PPFIBP1: variants seen among roughly 807,000 people sequenced by gnomAD.
The protein encoded by PPFIBP1 is PPFIB scaffold protein 1, also known as liprin-beta-1.
A neutral mutation model predicts 137.8 loss-of-function variants in PPFIBP1; 112 were observed. The ratio of observed to expected loss-of-function variants is 0.81; its 90% CI spans 0.70 to 0.95. The LOEUF (loss-of-function observed/expected upper bound fraction) is 0.95. Ranked by LOEUF, PPFIBP1 falls within the 40% of genes least tolerant of loss-of-function variation. The probability of loss-of-function intolerance (pLI) is 0.00; values close to 1 mark genes in which losing one functional copy is unlikely to be tolerated. For missense variants in PPFIBP1, 1,083 were observed against 1,196.6 expected, an observed-to-expected ratio of 0.91 and a Z score of 1.40; for synonymous variants, 378 against 417.3, an observed-to-expected ratio of 0.91 and a Z score of 1.15.
chr12:27,525,359 T>C (rs1217207771), intron 1 of PPFIBP1, among the ~76,000 whole-genome samples: 1 of 151,976 alleles, frequency 6.6e-6, no homozygotes, highest in Non-Finnish European at 1.5e-5. Flanking sequence ...TATTTCCTAT[T>C]TCAAACCCTG....
At chr12:27,600,679 T>A (rs968940542) in intron 2 of PPFIBP1, among the ~76,000 whole-genome samples, 2 of 152,194 alleles carry the variant, frequency 1.3e-5, no homozygotes, top group African/African-American at 4.8e-5. Flanking sequence ...CATGTTTAAA[T>A]GCTCTTTTAC....
intron 2 of PPFIBP1, among the ~76,000 whole-genome samples, chr12:27,598,701 G>A (rs753596235): frequency 9.2e-5 from 14 of 152,042 alleles, no homozygotes; most frequent in African/African-American, 2.4e-4. Context: ...GCAATGACAC[G>A]CATCATCCTT....
At chr12:27,676,924 C>T (rs932192207) in intron 18 of PPFIBP1, 140 bp from the exon 19 acceptor site, 9 of 1,050,504 alleles carry the variant, frequency 8.6e-6, no homozygotes, top group Non-Finnish European at 1.3e-5. Context: ...TGTGTAACAT[C>T]AGAAGCACTG....
At position 27,671,296 on chromosome 12, in the gene PPFIBP1, C is replaced by T. The variant is rs1329629144; in HGVS notation, c.1147-135C>T. On this transcript the variant is annotated intron_variant, in intron 13 of 29. Transcript: ENST00000228425. ...TATATAGATGTTTATATTCTGAAAT[C>T]ATTTTATACAGTTCTGAACACTGAT... is the stretch of plus-strand genomic sequence containing the variant. The T allele has an allele frequency of 3.9e-5, 20 of 507,510 alleles. No homozygotes were observed. In the South Asian group the frequency reaches 5.5e-4, roughly 14 times the overall value. 31.4% of individuals were successfully genotyped at this position (507,510 alleles called of 1,614,324 possible).
intron 2 of PPFIBP1, among the ~76,000 whole-genome samples, chr12:27,601,249 C>T (rs565160103): frequency 5.9e-5 from 9 of 152,328 alleles, no homozygotes; most frequent in African/African-American, 1.9e-4. Flanking sequence ...CTTATTTCAA[C>T]TGCTTTTTTT....
intron 24 of PPFIBP1, among the ~76,000 whole-genome samples, chr12:27,687,143 C>T (rs1242773266): frequency 6.6e-6 from 1 of 152,210 alleles, no homozygotes; most frequent in Non-Finnish European, 1.5e-5. Flanking sequence ...TGGGGTTCTA[C>T]AGATCTCAGA....
chr12:27,662,457 C>A (rs989675263), intron 11 of PPFIBP1, among the ~76,000 whole-genome samples: 6 of 152,070 alleles, frequency 3.9e-5, no homozygotes, highest in Non-Finnish European at 8.8e-5. Flanking sequence ...TGAAGACAGA[C>A]AAACAGTTAA....
intron 2 of PPFIBP1, among the ~76,000 whole-genome samples, chr12:27,588,169 C>G (rs577760609): frequency 6.6e-6 from 1 of 152,316 alleles, no homozygotes; most frequent in Non-Finnish European, 1.5e-5. Flanking sequence ...ATGATATTAG[C>G]TAGGCTGAGT....
chr12:27,599,809 A>C (rs550984859), intron 2 of PPFIBP1, among the ~76,000 whole-genome samples: 1 of 152,198 alleles, frequency 6.6e-6, no homozygotes, highest in Non-Finnish European at 1.5e-5. Context: ...GGGACATTTG[A>C]CAGAGTTTCT....
At chr12:27,663,020 T>A (rs1475994689) in intron 11 of PPFIBP1, among the ~76,000 whole-genome samples, 3 of 152,178 alleles carry the variant, frequency 2.0e-5, no homozygotes, top group Admixed American at 1.3e-4. Flanking sequence ...GTGGCTTAGA[T>A]GAGACTGCAT....
intron 6 of PPFIBP1, 97 bp from the exon 7 acceptor site, chr12:27,649,913 C>T: frequency 8.8e-7 from 1 of 1,135,784 alleles, no homozygotes. Flanking sequence ...ATATCCTCTA[C>T]TTGATAGGTG....
chr12:27,656,344 C>T (rs1388949313), intron 8 of PPFIBP1, among the ~76,000 whole-genome samples: 1 of 152,154 alleles, frequency 6.6e-6, no homozygotes, highest in Non-Finnish European at 1.5e-5. Context: ...AGGGCTATCC[C>T]ATCCCTAATT....
chr12:27,692,710 AC>A, intron 29 of PPFIBP1, 54 bp downstream of exon 29: 1 of 1,613,880 alleles, frequency 6.2e-7, no homozygotes, highest in Non-Finnish European at 8.5e-7. Context: ...TTTTATAACA[AC>A]CCCAAAGGAC....
chr12:27,613,333 C>T (rs543842801), intron 2 of PPFIBP1, among the ~76,000 whole-genome samples: 1 of 152,306 alleles, frequency 6.6e-6, no homozygotes, highest in South Asian at 2.1e-4. Context: ...CACATAAATT[C>T]CAATATCTGA....
chr12:27,620,309 G>A (rs111442923), intron 2 of PPFIBP1, among the ~76,000 whole-genome samples: 3,356 of 152,134 alleles, frequency 0.022, 36 homozygotes, highest in Middle Eastern at 0.034. Flanking sequence ...CTCCCACCAC[G>A]CCTTCTGTGC....
In PPFIBP1 at chr12:27,648,075, A is replaced by T. The variant is rs144846013; in HGVS notation, c.471+233A>T. On this transcript the variant is annotated intron_variant, in intron 6 of 29. Coordinates refer to ENST00000228425, the MANE Select transcript of PPFIBP1 (RefSeq NM_003622.4). ...TGTCAATAGGATTGTGGCTTATTTTAATTTTCTTTTTTTGCATTCAGATGG... is the reference window on the plus strand; with the variant it reads ...TGTCAATAGGATTGTGGCTTATTTTTATTTTCTTTTTTTGCATTCAGATGG... 1,496 of 500,892 alleles carry T rather than the reference A, an allele frequency of 3.0e-3. 32 individuals are homozygous for T. The East Asian group carries it at 0.038, about 13-fold the overall frequency. The allele number at this position is 500,892 out of a possible 1,614,324, so 31.0% of individuals were successfully genotyped here.
intron 28 of PPFIBP1, 113 bp downstream of exon 28, chr12:27,692,041 C>A: frequency 1.1e-6 from 1 of 924,450 alleles, no homozygotes; most frequent in South Asian, 2.0e-5. Flanking sequence ...ACTAAAAATA[C>A]AGATAATAAT....
At chr12:27,673,678 C>A in intron 15 of PPFIBP1, 89 bp from the exon 16 acceptor site, 1 of 1,105,374 alleles carries the variant, frequency 9.0e-7, no homozygotes, top group Non-Finnish European at 1.3e-6. Flanking sequence ...TCAACCCACA[C>A]GCAATTTTAG....
At chr12:27,679,788 T>C in intron 20 of PPFIBP1, 145 bp from the exon 21 acceptor site, 1 of 1,356,402 alleles carries the variant, frequency 7.4e-7, no homozygotes, top group African/African-American at 1.5e-5. Context: ...ACTCATTGGG[T>C]CTTAGTTAAA....
Sources: allele counts gnomAD v4.1 joint callset (sites outside exome capture counted in the v4.1 genomes callset), GRCh38; gene constraint gnomAD v4.1.1; transcripts MANE v1.5; gene names NCBI Gene and HGNC (gene_info 2026-07-23, HGNC 2026-07-21).